The following XPNPEP1 variants were observed in gnomAD, a reference collection of about 807,000 sequenced individuals.
XPNPEP1 encodes X-prolyl aminopeptidase 1.
A neutral mutation model predicts 92.4 loss-of-function variants in XPNPEP1; 39 were observed. The ratio of observed to expected loss-of-function variants is 0.42; its 90% confidence interval spans 0.33 to 0.55. XPNPEP1 has a LOEUF of 0.55. Among genes scored for constraint, XPNPEP1 ranks in the 20% least tolerant of loss-of-function variants. The pLI, the probability that XPNPEP1 is intolerant of heterozygous loss-of-function variation, is 0.08. For synonymous variants in XPNPEP1, 307 were observed against 299.4 expected, an observed-to-expected ratio of 1.03 and a Z score of -0.26; for missense variants, 654 against 856.1, an observed-to-expected ratio of 0.76 and a Z score of 2.95.
intron 7 of XPNPEP1, among the ~76,000 whole-genome samples, chr10:109,886,773 T>C (rs1049938048): frequency 6.6e-6 from 1 of 152,160 alleles, no homozygotes. Context: ...GGGACCTATA[T>C]CAACACACTA....
intron 1 of XPNPEP1, among the ~76,000 whole-genome samples, chr10:109,915,337 C>T (rs1850125525): frequency 6.6e-6 from 1 of 152,198 alleles, no homozygotes. Context: ...TCTCACACCT[C>T]CTATTTAACT....
intron 3 of XPNPEP1, among the ~76,000 whole-genome samples, chr10:109,902,353 C>T (rs1192846420): frequency 6.6e-6 from 1 of 152,198 alleles, no homozygotes; most frequent in Admixed American, 6.5e-5. Flanking sequence ...CTCCTTTTTG[C>T]GAATGCAGAA....
intron 2 of XPNPEP1, among the ~76,000 whole-genome samples, chr10:109,913,625 G>A (rs1338425437): frequency 6.6e-6 from 1 of 152,168 alleles, no homozygotes; most frequent in Admixed American, 6.5e-5. Context: ...TTAAGTACTT[G>A]CCCAAAGTCA....
chr10:109,923,159 A>T, intron 1 of XPNPEP1: 1 of 985,232 alleles, frequency 1.0e-6, no homozygotes, highest in South Asian at 4.7e-5. Flanking sequence ...ATACGCGTCC[A>T]GGAACCAGAC....
chr10:109,888,351 C>G, intron 6 of XPNPEP1, 152 bp downstream of exon 6: 1 of 1,226,236 alleles, frequency 8.2e-7, no homozygotes, highest in Admixed American at 2.6e-5. Context: ...TCTTCACCAC[C>G]AGTGGAACTC....
intron 9 of XPNPEP1, among the ~76,000 whole-genome samples, chr10:109,883,108 T>G (rs1848196880): frequency 6.6e-6 from 1 of 152,124 alleles, no homozygotes; most frequent in Admixed American, 6.5e-5. Context: ...TTCAATAGCT[T>G]CCCACTATTC....
At chr10:109,865,637 G>C in intron 20 of XPNPEP1, among the ~76,000 whole-genome samples, 1 of 152,186 alleles carries the variant, frequency 6.6e-6, no homozygotes, top group Non-Finnish European at 1.5e-5. Context: ...GGTGGTAAGT[G>C]GGGGAATAGC....
rs548449022 is a variant in XPNPEP1 at position 109,867,854 on chromosome 10, G to T, written c.1872+760C>A. Among the ~76,000 whole-genome samples, 1 of 152,326 alleles carries T rather than the reference G, an allele frequency of 6.6e-6. No homozygotes were observed. The highest frequency in any genetic ancestry group is 1.9e-4 in the East Asian group (1 of 5,182). On this transcript the variant is annotated intron_variant, in intron 20 of 20. Transcript: ENST00000502935. This position sits in a 1 kb window ranked among gnomAD's most constrained non-coding sequence, Gnocchi z 4.5. ...GTGTCCTCCTGGCTTCCAGCTTCCT[G>T]GTTTGGGAACTGTTTTGTCTGTCTA...
At position 109,915,067 on chromosome 10, in the gene XPNPEP1, A is replaced by T. The variant is rs1850111716; in HGVS notation, c.65T>A (p.Leu22Ter). ...CACCTCGTTAGGTTCAATTATTCTT[A>T]AATTTCTCAGTTGAAAATCCTGGTG... is the stretch of plus-strand genomic sequence containing the variant. ...VNHQDFQLRNLRIIEPNEVTH... is the reference protein window; with the variant it reads ...VNHQDFQLRN The change falls in exon 2 of 21, where the codon TTA becomes TAA. Residue 22 changes from leucine to a stop codon, truncating the protein, a stop_gained. Transcript: ENST00000502935. LOFTEE classifies it high-confidence loss of function. 6.5e-7 allele frequency: 1 copy of T among 1,529,274 alleles called. No individual in the cohort carries two copies. The highest frequency in any genetic ancestry group is 8.8e-7 in the Non-Finnish European group (1 of 1,142,496). The allele number at this position is 1,529,274 out of a possible 1,614,324, so 94.7% of individuals were successfully genotyped here. A position where few individuals can be genotyped will look rare whatever the true frequency, so the allele number is the denominator to read the frequency against.
Position 109,907,798 on chromosome 10 carries a change from T to G in XPNPEP1, c.139A>C (p.Lys47Gln), listed in dbSNP as rs759032029. The change falls in exon 3 of 21, where the codon AAG becomes CAG. Residue 47 changes from lysine (K) to glutamine (Q), a missense_variant. Coordinates refer to ENST00000502935, the MANE Select transcript of XPNPEP1 (RefSeq NM_020383.4). Reference sequence around the variant, plus strand: ...TGCCGAAGCAGCTCTGAAGTCACCTTTGGAGGCATTCTGCCGTCTGCAACA... The same window carrying G: ...TGCCGAAGCAGCTCTGAAGTCACCTGTGGAGGCATTCTGCCGTCTGCAACA... ...GVETDGRMPP[K>Q]VTSELLRQLR... 1 of 1,614,224 alleles carries G rather than the reference T, an allele frequency of 6.2e-7. No individual in the cohort carries two copies. Among genetic ancestry groups the G allele is most frequent in the Non-Finnish European group, 8.5e-7 (1 of 1,180,032 alleles).
chr10:109,865,228 C>G lies in XPNPEP1; in HGVS notation c.1957G>C (p.Glu653Gln), dbSNP rs776501813. 1.5e-5 allele frequency: 24 copies of G among 1,614,040 alleles called. No homozygotes were observed. The highest frequency in any genetic ancestry group is 1.9e-5 in the Non-Finnish European group (23 of 1,180,054). ...GGTTGCGTCTCTCTGATGAGCCACT[C>G]GAGAGCTTCCTGGCGGCCCTGTTTC... ...LQKQGRQEAL[E>Q]WLIRETQPIS... The change falls in exon 21 of 21, where the codon GAG becomes CAG. Residue 653 changes from glutamate to glutamine, a missense_variant. By Grantham distance (29) the Glu-to-Gln change is conservative (BLOSUM62 2). Coordinates refer to ENST00000502935, the MANE Select transcript of XPNPEP1 (RefSeq NM_020383.4).
At chr10:109,919,601 T>C (rs1035363806) in intron 1 of XPNPEP1, among the ~76,000 whole-genome samples, 3 of 152,180 alleles carry the variant, frequency 2.0e-5, no homozygotes, top group Non-Finnish European at 2.9e-5. Flanking sequence ...TGAAAATATA[T>C]ATCCTTATAA....
At chr10:109,892,268 G>A (rs1244066502) in intron 4 of XPNPEP1, among the ~76,000 whole-genome samples, 1 of 152,208 alleles carries the variant, frequency 6.6e-6, no homozygotes, top group Non-Finnish European at 1.5e-5. Flanking sequence ...TGGGCCCTAT[G>A]AGTGTTCCTG....
At position 109,867,348 on chromosome 10, in the gene XPNPEP1, G is replaced by C. The variant is rs1847197502; in HGVS notation, c.1872+1266C>G. On this transcript the variant is annotated intron_variant, in intron 20 of 20. Transcript: ENST00000502935. This position sits in a 1 kb window ranked among gnomAD's most constrained non-coding sequence, Gnocchi z 4.5. ...AGACACACCAGACATTGTGCTGATA[G>C]GCTGAGTTTCCTTTTCCATATCCAT... is the stretch of plus-strand genomic sequence containing the variant. 6.6e-6 allele frequency among the ~76,000 whole-genome samples: 1 copy of C among 152,238 alleles called. No individual in the cohort carries two copies. The highest frequency in any genetic ancestry group is 1.5e-5 in the Non-Finnish European group (1 of 68,044).
chr10:109,891,908 C>A, intron 4 of XPNPEP1, 82 bp from the exon 5 acceptor site: 5 of 1,403,456 alleles, frequency 3.6e-6, no homozygotes, highest in Non-Finnish European at 4.9e-6. Flanking sequence ...AGTAGACAGG[C>A]AAGAGCAGTA....
At chr10:109,893,193 C>T (rs560366256) in intron 3 of XPNPEP1, 118 bp from the exon 4 acceptor site, 2 of 897,778 alleles carry the variant, frequency 2.2e-6, no homozygotes, top group East Asian at 2.6e-5. Context: ...TCCTTGGCCC[C>T]CGCCCTCAAG....
chr10:109,910,388 T>C (rs1849800680), intron 2 of XPNPEP1, among the ~76,000 whole-genome samples: 1 of 151,840 alleles, frequency 6.6e-6, no homozygotes, highest in South Asian at 2.1e-4. Context: ...CTACTAAAAA[T>C]ACAAAATTAG....
chr10:109,875,678 C>G (rs1847745548), intron 14 of XPNPEP1, 79 bp from the exon 15 acceptor site: 1 of 1,253,694 alleles, frequency 8.0e-7, no homozygotes, highest in Admixed American at 1.9e-5. Flanking sequence ...CACAAGAGCT[C>G]TTTGTACTAT....
At chr10:109,892,893 T>C in intron 4 of XPNPEP1, 119 bp downstream of exon 4, 1 of 980,304 alleles carries the variant, frequency 1.0e-6, no homozygotes, top group South Asian at 1.5e-5. Context: ...AGAGAGTCAA[T>C]GTGGAGCATC....
Sources: allele counts gnomAD v4.1 joint callset (sites outside exome capture counted in the v4.1 genomes callset), GRCh38; gene constraint gnomAD v4.1.1; non-coding constraint Gnocchi (gnomAD v3.1); transcripts MANE v1.5; gene names NCBI Gene and HGNC (gene_info 2026-07-23, HGNC 2026-07-21).